The following KNTC1 variants were observed in gnomAD, a reference collection of about 807,000 sequenced individuals.
KNTC1 encodes kinetochore associated 1, also known as kinetochore-associated protein 1.
A neutral mutation model predicts 314.4 loss-of-function variants in KNTC1; 253 were observed. That is an observed-to-expected ratio of 0.80 (90% CI 0.73 to 0.89). The LOEUF (loss-of-function observed/expected upper bound fraction) is 0.89. Among genes scored for constraint, KNTC1 ranks in the 40% least tolerant of loss-of-function variants. The pLI, the probability that KNTC1 is intolerant of heterozygous loss-of-function variation, is 0.00. For missense variants in KNTC1, 2,475 were observed against 2,572.9 expected (o/e 0.96, Z 0.82); for synonymous variants, 901 against 901.4 (o/e 1.00, Z 0.01).
intron 42 of KNTC1, among the ~76,000 whole-genome samples, chr12:122,591,917 T>C (rs1332463399): frequency 6.6e-6 from 1 of 152,252 alleles, no homozygotes; most frequent in Non-Finnish European, 1.5e-5. Flanking sequence ...GGCTCCCACT[T>C]TGGCGGCACT....
intron 18 of KNTC1, among the ~76,000 whole-genome samples, chr12:122,559,418 G>A (rs904237019): frequency 6.6e-6 from 1 of 151,966 alleles, no homozygotes; most frequent in South Asian, 2.1e-4. Context: ...TCTTTTTATT[G>A]GCACATAATA....
In KNTC1 at chr12:122,584,926, A is replaced by T; in HGVS notation, c.3470A>T (p.His1157Leu). The T allele has an allele frequency of 6.3e-7, 1 of 1,596,432 alleles. No individual in the cohort carries two copies. The change falls in exon 36 of 64, where the codon CAT becomes CTT. Residue 1157 changes from histidine to leucine, a missense_variant. His to Leu is a moderately conservative substitution (Grantham distance 99). Transcript: ENST00000333479. ...FLLDALELCK[H>L]TLMAVELSRQ... is the part of the protein sequence containing the mutation. ...CTAGATGCTTTAGAACTATGTAAACATACTTTAATGGCTGTAGAGCTTTCC... is the reference window on the plus strand; with the variant it reads ...CTAGATGCTTTAGAACTATGTAAACTTACTTTAATGGCTGTAGAGCTTTCC...
intron 47 of KNTC1, 41 bp downstream of exon 47, chr12:122,602,928 A>G: frequency 6.4e-7 from 1 of 1,557,008 alleles, no homozygotes; most frequent in African/African-American, 1.4e-5. Flanking sequence ...TGTATCCTGC[A>G]ATTAATTCTG....
chr12:122,620,989 C>G (rs978773190), intron 60 of KNTC1, among the ~76,000 whole-genome samples: 5 of 152,222 alleles, frequency 3.3e-5, no homozygotes, highest in African/African-American at 1.2e-4. Context: ...TTTTATCCCA[C>G]TTGATCTCTT....
At chr12:122,575,950 A>T in intron 29 of KNTC1, 51 bp downstream of exon 29, 1 of 1,536,326 alleles carries the variant, frequency 6.5e-7, no homozygotes, top group Non-Finnish European at 8.7e-7. Context: ...CTGGGGCAAT[A>T]TGGAAAGCTT....
At chr12:122,550,034 A>G (rs745403480) in intron 13 of KNTC1, among the ~76,000 whole-genome samples, 170 bp downstream of exon 13, 1 of 152,152 alleles carries the variant, frequency 6.6e-6, no homozygotes, top group African/African-American at 2.4e-5. Flanking sequence ...AGATCCTCAA[A>G]TATACTTACT....
intron 3 of KNTC1, among the ~76,000 whole-genome samples, chr12:122,537,677 C>A (rs1313697437): frequency 6.6e-6 from 1 of 152,032 alleles, no homozygotes; most frequent in Admixed American, 6.6e-5. Context: ...TTCGGCCTCC[C>A]AAAGTGCTGG....
At chr12:122,550,850 T>C (rs1481814593) in intron 13 of KNTC1, among the ~76,000 whole-genome samples, 1 of 152,238 alleles carries the variant, frequency 6.6e-6, no homozygotes, top group Admixed American at 6.5e-5. Flanking sequence ...GTCGCCACCC[T>C]GTGGTTTTGT....
chr12:122,569,011 C>T (rs947516304), intron 21 of KNTC1, among the ~76,000 whole-genome samples: 3 of 151,904 alleles, frequency 2.0e-5, no homozygotes, highest in African/African-American at 7.3e-5. Context: ...AAACACACAC[C>T]GGGGCCTTTC....
At chr12:122,567,562 G>A (rs979898838) in intron 20 of KNTC1, among the ~76,000 whole-genome samples, 1 of 151,846 alleles carries the variant, frequency 6.6e-6, no homozygotes, top group African/African-American at 2.4e-5. Context: ...AAATAGGCTG[G>A]GCACGGTGGC....
At chr12:122,579,884 G>C (rs752653725) in intron 31 of KNTC1, 21 bp from the exon 32 acceptor site, 1 of 1,558,730 alleles carries the variant, frequency 6.4e-7, no homozygotes, top group East Asian at 2.2e-5. Flanking sequence ...ATTTTATTTC[G>C]CTTTATTTAT....
intron 53 of KNTC1, chr12:122,611,724 A>G (rs1873144624): frequency 6.6e-6 from 1 of 152,222 alleles, no homozygotes; most frequent in African/African-American, 2.4e-5. Flanking sequence ...AAGGATACCA[A>G]AATCTGAGGA....
At position 122,542,065 on chromosome 12, in the gene KNTC1, T is replaced by G; in HGVS notation, c.461T>G (p.Leu154Arg). 1 of 1,544,176 alleles carries G rather than the reference T, an allele frequency of 6.5e-7. No homozygotes were observed. Among genetic ancestry groups the G allele is most frequent in the Non-Finnish European group, 8.8e-7 (1 of 1,136,572 alleles). The change falls in exon 6 of 64, where the codon CTA becomes CGA. Residue 154 changes from leucine (L) to arginine (R), a missense_variant. Coordinates refer to ENST00000333479, the MANE Select transcript of KNTC1 (RefSeq NM_014708.6). ...DGSNEGTYYM[L>R]LLTYSGFFCI... ...ATTTCAATAGGTACCTATTATATGC[T>G]ACTTCTTACATACAGTGGATTTTTT...
intron 11 of KNTC1, 108 bp downstream of exon 11, chr12:122,547,638 G>C (rs1565942458): frequency 2.6e-6 from 2 of 765,084 alleles, no homozygotes; most frequent in Non-Finnish European, 4.3e-6. Flanking sequence ...ACAACACTGT[G>C]AAACAGTCTG....
chr12:122,561,644 G>A (rs1963984741), intron 18 of KNTC1, among the ~76,000 whole-genome samples: 1 of 151,886 alleles, frequency 6.6e-6, no homozygotes, highest in South Asian at 2.1e-4. Flanking sequence ...AGTAGAGACA[G>A]GGTTTCACCA....
chr12:122,600,333 A>G (rs934157019), intron 44 of KNTC1, among the ~76,000 whole-genome samples: 36 of 152,194 alleles, frequency 2.4e-4, no homozygotes, highest in Admixed American at 6.5e-5. Context: ...GCCTGACCTC[A>G]GGTGATCCAC....
chr12:122,530,671 G>C (rs1233843340), intron 2 of KNTC1, among the ~76,000 whole-genome samples: 2 of 151,994 alleles, frequency 1.3e-5, no homozygotes, highest in Non-Finnish European at 2.9e-5. Flanking sequence ...GGCTGGTCTT[G>C]AACTCCTGGC....
In KNTC1 at chr12:122,549,775, C is replaced by T; in HGVS notation, c.997C>T (p.Leu333Phe). The T allele has an allele frequency of 6.7e-7, 1 of 1,495,302 alleles. No individual in the cohort carries two copies. The highest frequency in any genetic ancestry group is 9.2e-7 in the Non-Finnish European group (1 of 1,088,756). 92.6% of individuals were successfully genotyped at this position (1,495,302 alleles called of 1,614,324 possible). A position where few individuals can be genotyped will look rare whatever the true frequency, so the allele number is the denominator to read the frequency against. The change falls in exon 13 of 64, where the codon CTC (leucine) becomes TTC (phenylalanine). Residue 333 changes from leucine to phenylalanine, a missense_variant. Leu to Phe is a conservative substitution (Grantham distance 22, BLOSUM62 0). Transcript: ENST00000333479. Reference protein sequence around the residue: ...TASANKKMKNLMVYSLPTMEI... With the variant: ...TASANKKMKNFMVYSLPTMEI... ...CTGCTATTTTTCTTAGATGAAAAACCTCATGGTTTATTCATTACCTACAAT... is the reference window on the plus strand; with the variant it reads ...CTGCTATTTTTCTTAGATGAAAAACTTCATGGTTTATTCATTACCTACAAT...
intron 1 of KNTC1, chr12:122,527,556 G>T (rs1960804555): frequency 6.6e-6 from 1 of 152,312 alleles, no homozygotes; most frequent in Non-Finnish European, 1.5e-5. Flanking sequence ...TCATTCTCTC[G>T]TATTCGCGAA....
Sources: gnomAD v4.1 joint callset for allele counts (sites outside exome capture counted in the v4.1 genomes callset) on GRCh38, gnomAD v4.1.1 for gene constraint, MANE v1.5 for transcripts, NCBI Gene and HGNC (gene_info 2026-07-23, HGNC 2026-07-21) for gene names.